The following TGM5 variants were observed in gnomAD, a reference collection of about 807,000 sequenced individuals.
The protein encoded by TGM5 is transglutaminase 5.
Under a neutral mutation model 77.2 loss-of-function variants are expected in TGM5, and 69 were observed. The ratio of observed to expected loss-of-function variants is 0.89; its 90% CI spans 0.74 to 1.09. The LOEUF is 1.09. Among genes scored for constraint, TGM5 ranks in the 50% least tolerant of loss-of-function variants. The probability of loss-of-function intolerance (pLI) is 0.00; values close to 1 mark genes in which losing one functional copy is unlikely to be tolerated. For synonymous variants in TGM5, 346 were observed against 351.8 expected (o/e 0.98, Z 0.18); for missense variants, 842 against 896.5 (o/e 0.94, Z 0.78).
At chr15:43,250,136 C>G (rs1375402354) in intron 6 of TGM5, among the ~76,000 whole-genome samples, 1 of 152,166 alleles carries the variant, frequency 6.6e-6, no homozygotes, top group Non-Finnish European at 1.5e-5. Flanking sequence ...CTTACAGAGC[C>G]AGCCAGACTT....
Position 43,234,948 on chromosome 15 carries a change from G to A in TGM5, c.1715-19C>T. On this transcript the variant is annotated intron_variant, in intron 10 of 12. Coordinates refer to ENST00000220420, the MANE Select transcript of TGM5 (RefSeq NM_201631.4). ...GTCTTTGCTAAAGAAAGAACACAAGGATGGGGTGAGAGTAGCTGAGAAAAT... is the reference window on the plus strand; with the variant it reads ...GTCTTTGCTAAAGAAAGAACACAAGAATGGGGTGAGAGTAGCTGAGAAAAT... 7 of 1,613,296 alleles carry A rather than the reference G, an allele frequency of 4.3e-6. No individual in the cohort carries two copies. The highest frequency in any genetic ancestry group is 1.1e-5 in the South Asian group (1 of 91,060).
chr15:43,237,660 C>T (rs1017969969), intron 9 of TGM5, among the ~76,000 whole-genome samples: 25 of 152,154 alleles, frequency 1.6e-4, no homozygotes, highest in Admixed American at 3.9e-4. Context: ...GTGATCCTCC[C>T]GTCTCAGCCT....
chr15:43,262,671 G>C (rs540829626), intron 1 of TGM5, among the ~76,000 whole-genome samples: 1 of 152,296 alleles, frequency 6.6e-6, no homozygotes, highest in East Asian at 1.9e-4. Flanking sequence ...TGTAATCCCA[G>C]CTACTCTGGA....
chr15:43,238,382 G>A (rs568484236), intron 9 of TGM5, among the ~76,000 whole-genome samples: 2 of 152,370 alleles, frequency 1.3e-5, no homozygotes, highest in African/African-American at 4.8e-5. Context: ...TGGCCGTGCC[G>A]TTCCCACAGG....
At chr15:43,253,395 A>G (rs763134606) in intron 5 of TGM5, 111 bp downstream of exon 5, 4 of 1,489,862 alleles carry the variant, frequency 2.7e-6, no homozygotes, top group Non-Finnish European at 3.7e-6. Context: ...GTCTCATCCA[A>G]GATGGCTTTG....
chr15:43,242,516 AG>A (rs1250095741), intron 6 of TGM5, among the ~76,000 whole-genome samples: 1 of 152,234 alleles, frequency 6.6e-6, no homozygotes, highest in Non-Finnish European at 1.5e-5. Flanking sequence ...GTTATTTCTA[AG>A]GGTTCTTCAC....
rs2042556300 is a variant in TGM5 at position 43,232,877 on chromosome 15, A to G, written c.*314T>C. On this transcript the variant is annotated 3_prime_UTR_variant, in exon 13 of 13. Coordinates refer to ENST00000220420, the MANE Select transcript of TGM5 (RefSeq NM_201631.4). The stretch of plus-strand genomic sequence containing the variant: ...ATGGTCCAGGGAAATATCCATCCAT[A>G]GACATTTCCTACCTGTTCTCTGGAT... 2.7e-6 allele frequency: 1 copy of G among 371,944 alleles called. No homozygotes were observed. Among genetic ancestry groups the G allele is most frequent in the Non-Finnish European group, 5.1e-6 (1 of 196,682 alleles). 23.0% of individuals were successfully genotyped at this position (371,944 alleles called of 1,614,324 possible).
chr15:43,244,308 G>A (rs74009290), intron 6 of TGM5, among the ~76,000 whole-genome samples: 6 of 152,320 alleles, frequency 3.9e-5, no homozygotes, highest in African/African-American at 1.4e-4. Flanking sequence ...GTACAAGGCT[G>A]GGCACAGGGT....
intron 6 of TGM5, among the ~76,000 whole-genome samples, chr15:43,250,972 A>T (rs2042699241): frequency 6.6e-6 from 1 of 152,144 alleles, no homozygotes; most frequent in Non-Finnish European, 1.5e-5. Context: ...TTCTCTCATC[A>T]CGCAGTTCCA....
intron 6 of TGM5, among the ~76,000 whole-genome samples, chr15:43,243,584 C>A (rs780986392): frequency 1.2e-4 from 19 of 152,210 alleles, no homozygotes; most frequent in Non-Finnish European, 2.8e-4. Context: ...GCACTCAGAT[C>A]TGTTCACCAG....
chr15:43,240,763 G>A lies in TGM5; in HGVS notation c.1001+89C>T. The A allele has an allele frequency of 2.6e-6, 4 of 1,567,472 alleles. No individual in the cohort carries two copies. The South Asian group carries it at 4.5e-5, about 17-fold the overall frequency. On this transcript the variant is annotated intron_variant, in intron 7 of 12. Transcript: ENST00000220420. The stretch of plus-strand genomic sequence containing the variant: ...GGAGGAGGTGAAGGGGAGGGACCAG[G>A]CTCATGGACCTCGTTCTGCCCTTCC...
chr15:43,259,176 C>T (rs929487964), intron 3 of TGM5, among the ~76,000 whole-genome samples: 3 of 152,144 alleles, frequency 2.0e-5, no homozygotes, highest in African/African-American at 7.2e-5. Flanking sequence ...GTTCTCTACT[C>T]CTGACCCCTT....
chr15:43,262,564 A>G lies in TGM5; in HGVS notation c.11-1985T>C, dbSNP rs192828890. Among the ~76,000 whole-genome samples, 416 of 151,960 alleles carry G rather than the reference A, an allele frequency of 2.7e-3. 2 individuals are homozygous for G. The highest frequency in any genetic ancestry group is 9.8e-3 in the African/African-American group (404 of 41,402). ...CACTTTGGGAGGCCGAGGCGGGTGG[A>G]TCACAAGGTCAGGAGTTCAAGACCA... On this transcript the variant is annotated intron_variant, in intron 1 of 12. Coordinates refer to ENST00000220420, the MANE Select transcript of TGM5 (RefSeq NM_201631.4).
intron 7 of TGM5, 146 bp downstream of exon 7, chr15:43,240,706 T>TG (rs1367298708): frequency 3.1e-5 from 24 of 784,560 alleles, no homozygotes; most frequent in Non-Finnish European, 4.4e-5. Context: ...ACAGCCTTGG[T>TG]GGGGGGTGGG....
intron 6 of TGM5, among the ~76,000 whole-genome samples, chr15:43,252,275 C>T (rs2042709128): frequency 6.6e-6 from 1 of 152,182 alleles, no homozygotes; most frequent in Admixed American, 6.5e-5. Flanking sequence ...CTGACATAAG[C>T]CCAGACATGT....
rs575568370 is a variant in TGM5, at chr15:43,260,108, G to A, written c.380C>T (p.Ser127Phe). ...LKIHIDSFQG[S>F]VTAYQLGEFI... The stretch of plus-strand genomic sequence containing the variant: ...CTCCCCTAGCTGGTAGGCCGTCACA[G>A]ACCCCTGGAAGGAGTCGATGTGGAT... The change falls in exon 3 of 13, where the codon TCT becomes TTT. Residue 127 changes from serine (S) to phenylalanine (F), a missense_variant. By Grantham distance (155) the Ser-to-Phe change is radical. Around this residue, in one of 2 missense-constraint regions of TGM5, gnomAD observed 815 missense variants for 844.6 expected, o/e 0.96. Coordinates refer to ENST00000220420, the MANE Select transcript of TGM5 (RefSeq NM_201631.4). 125 of 1,614,168 alleles carry A rather than the reference G, an allele frequency of 7.7e-5. No individual in the cohort carries two copies. Among genetic ancestry groups the A allele is most frequent in the South Asian group, 2.4e-4 (22 of 91,068 alleles).
At chr15:43,248,565 G>T (rs2142369119) in intron 6 of TGM5, among the ~76,000 whole-genome samples, 1 of 152,328 alleles carries the variant, frequency 6.6e-6, no homozygotes, top group East Asian at 1.9e-4. Context: ...CTAACATTTA[G>T]ATAAAACTTA....
At chr15:43,261,212 C>A (rs137985706) in intron 1 of TGM5, among the ~76,000 whole-genome samples, 11 of 151,602 alleles carry the variant, frequency 7.3e-5, no homozygotes, top group South Asian at 4.2e-4. Flanking sequence ...GCCTCAGCCT[C>A]CCGAGTAGCT....
chr15:43,260,476 G>C lies in TGM5; in HGVS notation c.114C>G (p.Ala38=), dbSNP rs1443295869. ...TCCTGAAGTACAGGGTGAGGTTGAAGGCCTGGCCCCGGCGAACAAGCAGGT... is the reference window on the plus strand; with the variant it reads ...TCCTGAAGTACAGGGTGAGGTTGAACGCCTGGCCCCGGCGAACAAGCAGGT... ...VDHLLVRRGQ[A]FNLTLYFRNR... is the part of the protein sequence containing the mutation. Residue 38 remains alanine (A), a synonymous_variant, in exon 2 of 13, where the codon GCC becomes GCG. Coordinates refer to ENST00000220420, the MANE Select transcript of TGM5 (RefSeq NM_201631.4). 2.5e-6 allele frequency: 4 copies of C among 1,614,198 alleles called. No individual in the cohort carries two copies. The African/African-American group carries it at 5.3e-5, about 22-fold the overall frequency.
Sources: gnomAD v4.1 joint callset for allele counts (sites outside exome capture counted in the v4.1 genomes callset) on GRCh38, gnomAD v4.1.1 for gene constraint, gnomAD v4.1.1 regional missense constraint, MANE v1.5 for transcripts, NCBI Gene and HGNC (gene_info 2026-07-23, HGNC 2026-07-21) for gene names.